HHAT: variants seen among roughly 807,000 people sequenced by gnomAD.
The protein encoded by HHAT is protein-cysteine N-palmitoyltransferase HHAT.
In HHAT, 47 loss-of-function variants were observed where a neutral mutation model predicts 70.8. The observed-to-expected ratio is 0.66, with a 90% CI of 0.53 to 0.85. The LOEUF (loss-of-function observed/expected upper bound fraction) is 0.85, where lower values mean the gene tolerates loss of function less well. HHAT is among the 40% of genes least tolerant of loss of function. The pLI is 0.00. For missense variants in HHAT, 609 were observed against 604.8 expected (o/e 1.01, Z -0.07); for synonymous variants, 228 against 247.6 (o/e 0.92, Z 0.74).
chr1:210,369,091 G>GA (rs764026000), intron 3 of HHAT, among the ~76,000 whole-genome samples: 1,525 of 143,584 alleles, frequency 0.011, 26 homozygotes, highest in African/African-American at 0.032. Context: ...AAAAAAGAAA[G>GA]AAAAAAAAAA....
At chr1:210,346,749 G>A (rs759735736) in intron 1 of HHAT, among the ~76,000 whole-genome samples, 4 of 152,192 alleles carry the variant, frequency 2.6e-5, no homozygotes, top group Middle Eastern at 3.2e-3. Flanking sequence ...CTGAAGAAAG[G>A]AGTTTGTGTG....
At chr1:210,435,168 C>T (rs2093345661) in intron 7 of HHAT, among the ~76,000 whole-genome samples, 1 of 151,840 alleles carries the variant, frequency 6.6e-6, no homozygotes, top group Non-Finnish European at 1.5e-5. Context: ...CACCAATCTA[C>T]TCTATCTTGA....
At chr1:210,623,072 C>G (rs1173749794) in intron 10 of HHAT, among the ~76,000 whole-genome samples, 1 of 152,112 alleles carries the variant, frequency 6.6e-6, no homozygotes, top group Non-Finnish European at 1.5e-5. Context: ...TGCAAGAGTA[C>G]ACTTTTGTTT....
At chr1:210,571,984 C>T (rs12022165) in intron 9 of HHAT, among the ~76,000 whole-genome samples, 9,538 of 152,202 alleles carry the variant, frequency 0.063, 535 homozygotes, top group East Asian at 0.29. Context: ...TCATCATTCC[C>T]GCAGCCCTGA....
At chr1:210,444,632 G>A (rs536711083) in intron 7 of HHAT, among the ~76,000 whole-genome samples, 34 of 152,064 alleles carry the variant, frequency 2.2e-4, no homozygotes, top group Admixed American at 1.3e-4. Context: ...GTTTAATTGC[G>A]TAGAGGTGTT....
intron 8 of HHAT, among the ~76,000 whole-genome samples, chr1:210,478,345 G>A (rs956772919): frequency 6.6e-6 from 1 of 152,194 alleles, no homozygotes; most frequent in African/African-American, 2.4e-5. Flanking sequence ...TGGCCTAGGT[G>A]CCTTCCTTCC....
intron 9 of HHAT, among the ~76,000 whole-genome samples, chr1:210,568,310 C>T (rs1655269102): frequency 6.6e-6 from 1 of 152,236 alleles, no homozygotes; most frequent in Non-Finnish European, 1.5e-5. Flanking sequence ...TGCATCTCTT[C>T]ATCTCTATCT....
intron 1 of HHAT, among the ~76,000 whole-genome samples, chr1:210,345,282 GA>G (rs2086416915): frequency 6.6e-6 from 1 of 152,028 alleles, no homozygotes; most frequent in Non-Finnish European, 1.5e-5. Flanking sequence ...AAGTGGGGTG[GA>G]AAATGAATGA....
chr1:210,614,483 A>G (rs1667259402), intron 10 of HHAT, among the ~76,000 whole-genome samples: 1 of 152,162 alleles, frequency 6.6e-6, no homozygotes, highest in Non-Finnish European at 1.5e-5. Context: ...ACATATGTAT[A>G]CATGTGCCAT....
chr1:210,529,485 A>G (rs150179352), intron 9 of HHAT, among the ~76,000 whole-genome samples: 3 of 152,222 alleles, frequency 2.0e-5, no homozygotes, highest in African/African-American at 4.8e-5. Context: ...GCTATGTGGT[A>G]CCTTTTGAAC....
rs746716920 is a variant in HHAT, at chr1:210,520,471, G to A, written c.1043+7283G>A. Among the ~76,000 whole-genome samples the A allele has an allele frequency of 1.1e-4, 17 of 151,968 alleles. No individual in the cohort carries two copies. The South Asian group carries it at 2.1e-3, about 19-fold the overall frequency. On this transcript the variant is annotated intron_variant, in intron 9 of 11. Transcript: ENST00000261458. ...CACTTTTTTTCGCTCTGGTTTGGTG[G>A]TTTTCTGTGTTGCCAAGCTTTGTTT... is the stretch of plus-strand genomic sequence containing the variant.
Position 210,519,165 on chromosome 1 carries a change from T to C in HHAT, c.1043+5977T>C, listed in dbSNP as rs559602476. The stretch of plus-strand genomic sequence containing the variant: ...TTCTTCCTTGGCCCCTCAACTCTGA[T>C]TTAGTTGGGTATGACAAGAGTGACC... On this transcript the variant is annotated intron_variant, in intron 9 of 11. Transcript: ENST00000261458. Among the ~76,000 whole-genome samples, 11 of 152,314 alleles carry C rather than the reference T, an allele frequency of 7.2e-5. No homozygotes were observed. The South Asian group carries it at 2.3e-3, about 32-fold the overall frequency.
chr1:210,380,018 C>T (rs750655026), intron 3 of HHAT, among the ~76,000 whole-genome samples: 14 of 152,154 alleles, frequency 9.2e-5, no homozygotes, highest in African/African-American at 3.1e-4. Context: ...GGGCAGATAC[C>T]GGATGCTCCA....
intron 1 of HHAT, among the ~76,000 whole-genome samples, chr1:210,333,660 A>ATT (rs572247937): frequency 0.013 from 1,917 of 145,354 alleles, 48 homozygotes; most frequent in African/African-American, 0.046. Flanking sequence ...TACTACTATG[A>ATT]TTTTTTTTTT....
chr1:210,439,929 C>A (rs1000408987), intron 7 of HHAT, among the ~76,000 whole-genome samples: 1 of 151,810 alleles, frequency 6.6e-6, no homozygotes, highest in African/African-American at 2.4e-5. Context: ...TCTATAGATA[C>A]CTTGCAAGGG....
intron 4 of HHAT, among the ~76,000 whole-genome samples, chr1:210,393,633 T>A (rs1448550857): frequency 6.6e-6 from 1 of 152,200 alleles, no homozygotes; most frequent in Non-Finnish European, 1.5e-5. Context: ...CTGCATCTTG[T>A]TACCAGGCAG....
chr1:210,594,447 CACTTTA>C (rs1292708547), intron 10 of HHAT, among the ~76,000 whole-genome samples: 2 of 152,132 alleles, frequency 1.3e-5, no homozygotes, highest in South Asian at 2.1e-4. Context: ...AAAAACTCTA[CACTTTA>C]ACTTTGTTTG....
chr1:210,447,416 G>C (rs1323160492), intron 7 of HHAT, among the ~76,000 whole-genome samples: 1 of 152,160 alleles, frequency 6.6e-6, no homozygotes, highest in Non-Finnish European at 1.5e-5. Context: ...AGTGCACGAT[G>C]GATTAGAAAC....
intron 9 of HHAT, among the ~76,000 whole-genome samples, chr1:210,564,119 A>ATTTTTTTTTTTTTTTTTTTTTTTTTT: frequency 7.0e-6 from 1 of 143,020 alleles, no homozygotes; most frequent in South Asian, 2.2e-4. Context: ...ATGCCCAACT[A>ATTTTTTTTTTTTTTTTTTTTTTTTTT]TTTTTTTTTT....
Sources: allele counts gnomAD v4.1 joint callset (sites outside exome capture counted in the v4.1 genomes callset), GRCh38; gene constraint gnomAD v4.1.1; transcripts MANE v1.5; gene names NCBI Gene and HGNC (gene_info 2026-07-23, HGNC 2026-07-21).